WDR64: variants seen among roughly 807,000 people sequenced by gnomAD.
WDR64 encodes the protein WD repeat-containing protein 64.
A neutral mutation model predicts 139.3 loss-of-function variants in WDR64; 112 were observed. That is an observed-to-expected ratio of 0.80 (90% CI 0.69 to 0.94). The LOEUF (loss-of-function observed/expected upper bound fraction) is 0.94, where lower values mean the gene tolerates loss of function less well. WDR64 is among the 40% of genes least tolerant of loss of function. The probability of loss-of-function intolerance (pLI) is 0.00; values close to 1 mark genes in which losing one functional copy is unlikely to be tolerated. For synonymous variants in WDR64, 444 were observed against 437.7 expected, an observed-to-expected ratio of 1.01 and a Z score of -0.18; for missense variants, 1,206 against 1,293.1, an observed-to-expected ratio of 0.93 and a Z score of 1.03.
chr1:241,680,160 A>T (rs74150353), intron 6 of WDR64, among the ~76,000 whole-genome samples: 1 of 152,166 alleles, frequency 6.6e-6, no homozygotes, highest in Admixed American at 6.5e-5. Flanking sequence ...ACAGCAAATT[A>T]TATGGTGCAA....
chr1:241,735,533 C>CCCTTTTTTTTTTTTTTTTTTTTTTT lies in WDR64; in HGVS notation c.1195-2830_1195-2829insCCTTTTTTTTTTTTTTTTTTTTTTT, dbSNP rs1237771842. ...GTTCTCTGTCTCTCTCTCTCTCTCT[C>CCCTTTTTTTTTTTTTTTTTTTTTTT]TTTTTTTTTTTTTTTTTTTGATACG... On this transcript the variant is annotated intron_variant, in intron 10 of 27. Transcript: ENST00000437684. 5.5e-4 allele frequency among the ~76,000 whole-genome samples: 57 copies of CCCTTTTTTTTTTTTTTTTTTTTTTT among 103,484 alleles called. 2 individuals carry two copies. The highest frequency in any genetic ancestry group is 6.1e-4 in the African/African-American group (16 of 26,330). 67.9% of individuals were successfully genotyped at this position (103,484 alleles called of 152,430 possible).
At position 241,652,478 on chromosome 1, in the gene WDR64, T is replaced by C. The variant is rs1261099560; in HGVS notation, c.-7T>C. 1 of 1,551,694 alleles carries C rather than the reference T, an allele frequency of 6.4e-7. No individual in the cohort carries two copies. The highest frequency in any genetic ancestry group is 8.7e-7 in the Non-Finnish European group (1 of 1,147,020). ...CTGTACAGAAGTAAAAGATCCCCTA[T>C]GTCCCTATGGATATCAGGAAGGAAA... On this transcript the variant is annotated 5_prime_UTR_variant, in exon 1 of 28. An upstream start codon of the reference 5' UTR is lost. Coordinates refer to ENST00000437684, the MANE Select transcript of WDR64 (RefSeq NM_001367482.1).
In WDR64 at chr1:241,776,832, C is replaced by A. The variant is rs142221670; in HGVS notation, c.2536+1622C>A. ...TCTATTAGGGTTAGTCCTCTCTTTGCCTATGCCTAGAATACTTTACTATCA... is the reference window on the plus strand; with the variant it reads ...TCTATTAGGGTTAGTCCTCTCTTTGACTATGCCTAGAATACTTTACTATCA... On this transcript the variant is annotated intron_variant, in intron 21 of 27. Coordinates refer to ENST00000437684, the MANE Select transcript of WDR64 (RefSeq NM_001367482.1). 1.5e-3 allele frequency among the ~76,000 whole-genome samples: 235 copies of A among 152,266 alleles called. 6 individuals are homozygous for A. The East Asian group carries it at 0.042, about 27-fold the overall frequency.
In WDR64 at chr1:241,660,250, C is replaced by T. The variant is rs1357740849; in HGVS notation, c.146-280C>T. On this transcript the variant is annotated intron_variant, in intron 1 of 27. Transcript: ENST00000437684. ...GTGTGCAGTCTTATTTTTGGGTTCTCTATTCTGTTCCATTGGTCTGAGTGT... is the reference window on the plus strand; with the variant it reads ...GTGTGCAGTCTTATTTTTGGGTTCTTTATTCTGTTCCATTGGTCTGAGTGT... Among the ~76,000 whole-genome samples the T allele has an allele frequency of 3.3e-5, 5 of 152,120 alleles. No individual in the cohort carries two copies. The South Asian group carries it at 8.3e-4, about 25-fold the overall frequency.
At chr1:241,691,100 G>T (rs1195381039) in intron 8 of WDR64, among the ~76,000 whole-genome samples, 1 of 151,938 alleles carries the variant, frequency 6.6e-6, no homozygotes, top group Non-Finnish European at 1.5e-5. Flanking sequence ...TGGATTAGTT[G>T]TAAATGTATA....
chr1:241,796,386 T>G lies in WDR64; in HGVS notation c.3192+16T>G. The G allele has an allele frequency of 4.0e-6, 6 of 1,512,262 alleles. No individual in the cohort carries two copies. The highest frequency in any genetic ancestry group is 5.5e-6 in the Non-Finnish European group (6 of 1,092,190). 93.7% of individuals were successfully genotyped at this position (1,512,262 alleles called of 1,614,324 possible). ...ACGTGAAAAAGTAAGTTAGTACTAA[T>G]TCCACCGTTAACTCCAATTTCAGTG... On this transcript the variant is annotated intron_variant, in intron 27 of 27. Coordinates refer to ENST00000437684, the MANE Select transcript of WDR64 (RefSeq NM_001367482.1).
intron 16 of WDR64, among the ~76,000 whole-genome samples, chr1:241,768,732 C>G (rs922896006): frequency 6.6e-6 from 1 of 152,042 alleles, no homozygotes; most frequent in African/African-American, 2.4e-5. Flanking sequence ...GCTTTAAGAG[C>G]CAGGCATGAT....
intron 16 of WDR64, 147 bp downstream of exon 16, chr1:241,766,498 C>T (rs552234177): frequency 1.3e-5 from 11 of 866,090 alleles, no homozygotes; most frequent in Admixed American, 1.2e-4. Context: ...GCCAGGAGTT[C>T]GAGATCAGCC....
At chr1:241,774,997 G>A (rs1398810094) in intron 20 of WDR64, 108 bp from the exon 21 acceptor site, 3 of 835,320 alleles carry the variant, frequency 3.6e-6, no homozygotes, top group Non-Finnish European at 5.6e-6. Flanking sequence ...CAGTAGTAGA[G>A]ATAATTCTTG....
chr1:241,758,235 G>T (rs114228370), intron 15 of WDR64, among the ~76,000 whole-genome samples: 4 of 143,636 alleles, frequency 2.8e-5, no homozygotes, highest in Non-Finnish European at 4.6e-5. Flanking sequence ...CTACAACATT[G>T]ATTTTTTTTT....
chr1:241,731,580 G>A (rs551748136), intron 10 of WDR64, among the ~76,000 whole-genome samples: 2 of 152,314 alleles, frequency 1.3e-5, no homozygotes, highest in African/African-American at 4.8e-5. Context: ...TCTGCCTCCT[G>A]AGGTGGTATC....
At chr1:241,778,516 AG>A (rs1291733897) in intron 21 of WDR64, among the ~76,000 whole-genome samples, 1 of 152,212 alleles carries the variant, frequency 6.6e-6, no homozygotes, top group Admixed American at 6.5e-5. Flanking sequence ...TTATTGACAT[AG>A]TTGAATTAGT....
At chr1:241,795,006 T>A (rs979673023) in intron 25 of WDR64, among the ~76,000 whole-genome samples, 5 of 152,216 alleles carry the variant, frequency 3.3e-5, no homozygotes, top group Non-Finnish European at 1.5e-5. Context: ...TGACCATGAA[T>A]GATGACACAG....
At chr1:241,770,576 C>T in intron 17 of WDR64, 45 bp from the exon 18 acceptor site, 2 of 1,504,704 alleles carry the variant, frequency 1.3e-6, no homozygotes, top group Non-Finnish European at 1.8e-6. Flanking sequence ...AGTATGGTAG[C>T]ATATCTTAAA....
At chr1:241,740,351 T>C (rs966827604) in intron 11 of WDR64, among the ~76,000 whole-genome samples, 2 of 152,246 alleles carry the variant, frequency 1.3e-5, no homozygotes, top group African/African-American at 4.8e-5. Context: ...GGTCCAAGTA[T>C]GATTTGACTA....
At chr1:241,689,966 G>C (rs1334955419) in intron 8 of WDR64, among the ~76,000 whole-genome samples, 3 of 151,928 alleles carry the variant, frequency 2.0e-5, no homozygotes, top group African/African-American at 7.3e-5. Flanking sequence ...GGGCAACTGT[G>C]AAAAGTGTAA....
At chr1:241,695,555 A>C (rs576820227) in intron 8 of WDR64, among the ~76,000 whole-genome samples, 4 of 152,320 alleles carry the variant, frequency 2.6e-5, no homozygotes, top group African/African-American at 4.8e-5. Flanking sequence ...AATTATAGGC[A>C]CAGTAGAAGT....
At chr1:241,678,399 A>G (rs1010894808) in intron 5 of WDR64, among the ~76,000 whole-genome samples, 183 bp downstream of exon 5, 2 of 152,214 alleles carry the variant, frequency 1.3e-5, no homozygotes, top group African/African-American at 2.4e-5. Flanking sequence ...AAGAGGACCC[A>G]GGTCTTGCTT....
At chr1:241,708,051 A>G (rs1668021207) in intron 8 of WDR64, among the ~76,000 whole-genome samples, 2 of 152,158 alleles carry the variant, frequency 1.3e-5, no homozygotes. Flanking sequence ...TGGGGCTCTC[A>G]TAAGAAGAGC....
Sources: gnomAD v4.1 joint callset for allele counts (sites outside exome capture counted in the v4.1 genomes callset) on GRCh38, gnomAD v4.1.1 for gene constraint, MANE v1.5 for transcripts, NCBI Gene and HGNC (gene_info 2026-07-23, HGNC 2026-07-21) for gene names.